COPG2: variants seen among roughly 807,000 people sequenced by gnomAD.
COPG2 encodes the protein coat protein complex I subunit gamma 2, also known as coatomer subunit gamma-2.
Under a neutral mutation model 46.3 loss-of-function variants are expected in COPG2, and 37 were observed. The ratio of observed to expected loss-of-function variants is 0.80; its 90% CI spans 0.61 to 1.05. The LOEUF is 1.05. Among genes scored for constraint, COPG2 ranks in the 50% least tolerant of loss-of-function variants. COPG2 has a pLI of 0.00. For missense variants in COPG2, 427 were observed against 387.8 expected (o/e 1.10, Z -0.85); for synonymous variants, 159 against 129.7 (o/e 1.23, Z -1.53).
intron 9 of COPG2, among the ~76,000 whole-genome samples, chr7:130,577,579 G>A (rs1794027890): frequency 6.6e-6 from 1 of 151,468 alleles, no homozygotes; most frequent in Non-Finnish European, 1.5e-5. Flanking sequence ...GGCTAACAAG[G>A]TGAAACCCCG....
chr7:130,590,262 G>A (rs1298506882), intron 9 of COPG2, among the ~76,000 whole-genome samples: 6 of 150,412 alleles, frequency 4.0e-5, no homozygotes, highest in East Asian at 3.9e-4. Context: ...CTCTCCCCAC[G>A]GTCTCCCTCT....
intron 20 of COPG2, chr7:130,547,019 A>C (rs1222071318): frequency 6.6e-6 from 1 of 152,198 alleles, no homozygotes; most frequent in African/African-American, 2.4e-5. Context: ...AAGTAGAATA[A>C]ATACTTGACA....
intron 9 of COPG2, among the ~76,000 whole-genome samples, chr7:130,584,316 T>C (rs1794223352): frequency 6.6e-6 from 1 of 152,046 alleles, no homozygotes; most frequent in Admixed American, 6.6e-5. Context: ...TACCTCAATG[T>C]AACAAAAGCC....
At chr7:130,633,151 G>A (rs1461121713) in intron 5 of COPG2, among the ~76,000 whole-genome samples, 1 of 152,104 alleles carries the variant, frequency 6.6e-6, no homozygotes, top group Non-Finnish European at 1.5e-5. Flanking sequence ...TCATTGACGG[G>A]CATTTGGGCT....
At chr7:130,598,355 T>A (rs1662217053) in intron 9 of COPG2, among the ~76,000 whole-genome samples, 1 of 152,202 alleles carries the variant, frequency 6.6e-6, no homozygotes, top group Non-Finnish European at 1.5e-5. Flanking sequence ...AAGATGTGGA[T>A]GACATCCTTG....
At chr7:130,594,178 A>C (rs1015857098) in intron 9 of COPG2, among the ~76,000 whole-genome samples, 1 of 152,242 alleles carries the variant, frequency 6.6e-6, no homozygotes, top group Non-Finnish European at 1.5e-5. Flanking sequence ...AACACAGAAA[A>C]AAGTTGTCAA....
chr7:130,627,863 A>G (rs1283242835), intron 5 of COPG2, among the ~76,000 whole-genome samples: 3 of 152,140 alleles, frequency 2.0e-5, no homozygotes, highest in Non-Finnish European at 2.9e-5. Flanking sequence ...TTTTTACTCA[A>G]AGTGGTTTCA....
At chr7:130,656,485 C>A (rs1795855316) in intron 4 of COPG2, among the ~76,000 whole-genome samples, 1 of 152,094 alleles carries the variant, frequency 6.6e-6, no homozygotes, top group South Asian at 2.1e-4. Flanking sequence ...TTGAAAGATA[C>A]AAACTACCAG....
intron 6 of COPG2, among the ~76,000 whole-genome samples, chr7:130,614,867 A>G (rs1307216178): frequency 6.6e-6 from 1 of 152,230 alleles, no homozygotes; most frequent in Admixed American, 6.5e-5. Flanking sequence ...GACAGATTTG[A>G]GGATATTGCC....
At chr7:130,634,250 A>G (rs3103725) in intron 5 of COPG2, among the ~76,000 whole-genome samples, 30 of 152,184 alleles carry the variant, frequency 2.0e-4, no homozygotes, top group African/African-American at 7.0e-4. Flanking sequence ...TTTTCTAATT[A>G]TGTGAAGAAA....
intron 20 of COPG2, among the ~76,000 whole-genome samples, chr7:130,515,084 C>T (rs1477882811): frequency 6.6e-6 from 1 of 152,200 alleles, no homozygotes; most frequent in Non-Finnish European, 1.5e-5. Context: ...ATCTAGGAAT[C>T]TGTTAGAAAT....
chr7:130,519,766 G>C (rs1799710253), intron 20 of COPG2, among the ~76,000 whole-genome samples: 1 of 152,182 alleles, frequency 6.6e-6, no homozygotes, highest in Non-Finnish European at 1.5e-5. Context: ...GACGTTGTAT[G>C]AATTAGAAAG....
rs1261376963 is a variant in COPG2, at chr7:130,513,304, AAAAAATATATAT to A, written c.2150-4657_2150-4646del. On this transcript the variant is annotated intron_variant, in intron 20 of 23. Coordinates refer to ENST00000425248, the MANE Select transcript of COPG2 (RefSeq NM_012133.6). ...ATAATTCTGTCTAAAAAAAAAAAAAAAAAAATATATATATATATATATATATATATATATATA... is the reference window on the plus strand; with the variant it reads ...ATAATTCTGTCTAAAAAAAAAAAAAAATATATATATATATATATATATATA... Among the ~76,000 whole-genome samples, 187 of 48,404 alleles carry A rather than the reference AAAAAATATATAT, an allele frequency of 3.9e-3. 3 individuals carry two copies. Among genetic ancestry groups the A allele is most frequent in the African/African-American group, 0.014 (182 of 12,828 alleles). The allele number at this position is 48,404 out of a possible 152,430, so 31.8% of individuals were successfully genotyped here. A position where few individuals can be genotyped will look rare whatever the true frequency, so the allele number is the denominator to read the frequency against.
chr7:130,548,652 C>G (rs1584969834), intron 18 of COPG2, 110 bp from the exon 19 acceptor site: 5 of 390,226 alleles, frequency 1.3e-5, no homozygotes. Flanking sequence ...CCTGTAATCC[C>G]AGCACTTTGG....
chr7:130,536,429 C>G (rs979912700), intron 20 of COPG2, among the ~76,000 whole-genome samples: 1 of 152,032 alleles, frequency 6.6e-6, no homozygotes, highest in Non-Finnish European at 1.5e-5. Context: ...GCAGGCCTAT[C>G]CAATCATCAG....
intron 9 of COPG2, among the ~76,000 whole-genome samples, chr7:130,604,194 C>T (rs1414773770): frequency 6.6e-6 from 1 of 152,040 alleles, no homozygotes; most frequent in Non-Finnish European, 1.5e-5. Context: ...GTTCAAGGAT[C>T]AACTGTATGT....
At chr7:130,645,141 T>C (rs56112047) in intron 5 of COPG2, 2 of 481,582 alleles carry the variant, frequency 4.2e-6, no homozygotes, top group Non-Finnish European at 8.0e-6. Flanking sequence ...GCAGGAAAAT[T>C]AGTGTTCACA....
chr7:130,554,554 T>TC lies in COPG2; in HGVS notation c.1394dup (p.Thr466AsnfsTer13), dbSNP rs1793587927. The TC allele has an allele frequency of 2.5e-6, 1 of 398,468 alleles. No homozygotes were observed. Among genetic ancestry groups the TC allele is most frequent in the Non-Finnish European group, 4.4e-6 (1 of 226,076 alleles). 24.7% of individuals were successfully genotyped at this position (398,468 alleles called of 1,614,324 possible). ...GGATATATTTGGAGGGGACAGGCGT[T>TC]CTAGGGCCCTCTTTGCCCAACAAGT... On this transcript the variant is annotated frameshift_variant, in exon 14 of 24. Transcript: ENST00000425248. LOFTEE classifies it high-confidence loss of function.
chr7:130,546,684 C>CAG (rs1793450370), intron 20 of COPG2: 1 of 152,128 alleles, frequency 6.6e-6, no homozygotes, highest in Admixed American at 6.6e-5. Flanking sequence ...TAAGACTGGA[C>CAG]AGGGGCTCCC....
Sources: allele counts gnomAD v4.1 joint callset (sites outside exome capture counted in the v4.1 genomes callset), GRCh38; gene constraint gnomAD v4.1.1; transcripts MANE v1.5; gene names NCBI Gene and HGNC (gene_info 2026-07-23, HGNC 2026-07-21).